POTEM: variants seen among roughly 807,000 people sequenced by gnomAD.
The protein encoded by POTEM is POTE ankyrin domain family member M.
For synonymous variants in POTEM, 8 were observed against 113.2 expected (o/e 0.07, Z 5.90); for missense variants, 24 against 343.0 (o/e 0.07, Z 7.35).
chr14:18,977,218 A>G (rs1356574005), intron 4 of POTEM: 3 of 479,588 alleles, frequency 6.3e-6, no homozygotes, highest in Non-Finnish European at 1.1e-5. Context: ...CCATCAAAGG[A>G]CTTTAAATTA....
In POTEM at chr14:18,991,217, G is replaced by T. The variant is rs1335786978; in HGVS notation, c.1409+2796G>T. Among the ~76,000 whole-genome samples, 85 of 117,810 alleles carry T rather than the reference G, an allele frequency of 7.2e-4. 1 individual carries two copies. The East Asian group carries it at 0.017, about 24-fold the overall frequency. The allele number at this position is 117,810 out of a possible 152,430, so 77.3% of individuals were successfully genotyped here. A position where few individuals can be genotyped will look rare whatever the true frequency, so the allele number is the denominator to read the frequency against. ...CTTTTTCTACTGTATATATGCTAGT[G>T]ATTTCCAAATGCATGTCTCCAACTC... is the stretch of plus-strand genomic sequence containing the variant. On this transcript the variant is annotated intron_variant, in intron 9 of 10. Coordinates refer to ENST00000547889, the MANE Select transcript of POTEM (RefSeq NM_001145442.1).
Position 19,003,105 on chromosome 14 carries a change from TGAA to T in POTEM, c.*4444_*4446del, listed in dbSNP as rs1566544640. 6.7e-6 allele frequency among the ~76,000 whole-genome samples: 1 copy of T among 150,202 alleles called. No homozygotes were observed. The highest frequency in any genetic ancestry group is 2.5e-5 in the African/African-American group (1 of 40,608). On this transcript the variant is annotated 3_prime_UTR_variant, in exon 11 of 11. Coordinates refer to ENST00000547889, the MANE Select transcript of POTEM (RefSeq NM_001145442.1). ...ATCACCAGCCACTACAAAAATGCAG[TGAA>T]GAACGCAGTGAATTACGCAGTCCAG... is the stretch of plus-strand genomic sequence containing the variant.
In POTEM at chr14:19,002,857, C is replaced by T. The variant is rs1368276447; in HGVS notation, c.*4192C>T. Among the ~76,000 whole-genome samples, 7 of 152,352 alleles carry T rather than the reference C, an allele frequency of 4.6e-5. No individual in the cohort carries two copies. Among genetic ancestry groups the T allele is most frequent in the African/African-American group, 1.4e-4 (6 of 41,542 alleles). ...ACACAGGTGGATTTTGCTTTACTTGCACTGACAGCACACAGGAGGGCAGCA... is the reference window on the plus strand; with the variant it reads ...ACACAGGTGGATTTTGCTTTACTTGTACTGACAGCACACAGGAGGGCAGCA... On this transcript the variant is annotated 3_prime_UTR_variant, in exon 11 of 11. Transcript: ENST00000547889.
At chr14:18,979,673 AT>A (rs1236756607) in intron 5 of POTEM, among the ~76,000 whole-genome samples, 2 of 140,208 alleles carry the variant, frequency 1.4e-5, no homozygotes, top group African/African-American at 5.5e-5. Context: ...ATCTCATTAA[AT>A]TTTTATCGGA....
intron 1 of POTEM, among the ~76,000 whole-genome samples, chr14:18,969,321 A>ATATATATACG (rs1566537723): frequency 9.7e-6 from 1 of 103,448 alleles, no homozygotes; most frequent in Non-Finnish European, 1.8e-5. Flanking sequence ...ATATATGTAT[A>ATATATATACG]TATATATATA....
At chr14:18,969,272 C>A (rs1191966773) in intron 1 of POTEM, among the ~76,000 whole-genome samples, 10 of 121,864 alleles carry the variant, frequency 8.2e-5, no homozygotes, top group African/African-American at 3.1e-4. Flanking sequence ...TTTACATATG[C>A]AGATATATAT....
At chr14:18,980,935 G>A in intron 6 of POTEM, among the ~76,000 whole-genome samples, 1 of 148,974 alleles carries the variant, frequency 6.7e-6, no homozygotes, top group African/African-American at 2.5e-5. Context: ...GTTAGAACAA[G>A]ATGCTCTGCT....
At chr14:18,996,554 C>T (rs1471290480) in intron 9 of POTEM, among the ~76,000 whole-genome samples, 29 of 122,466 alleles carry the variant, frequency 2.4e-4, no homozygotes, top group South Asian at 5.6e-4. Context: ...GGCATTAGAT[C>T]GTCCTAAGAG....
rs567646291 is a variant in POTEM, at chr14:18,991,145, A to T, written c.1409+2724A>T. Among the ~76,000 whole-genome samples the T allele has an allele frequency of 1.1e-3, 148 of 131,892 alleles. 4 individuals carry two copies. The highest frequency in any genetic ancestry group is 3.7e-3 in the African/African-American group (144 of 38,636). 86.5% of individuals were successfully genotyped at this position (131,892 alleles called of 152,430 possible). On this transcript the variant is annotated intron_variant, in intron 9 of 10. Coordinates refer to ENST00000547889, the MANE Select transcript of POTEM (RefSeq NM_001145442.1). ...GTGATCTGCCTGCCTTGGCCTCACG[A>T]AGTGTTGGGATTACAGGCATGAGCC...
chr14:18,983,517 GT>G, intron 6 of POTEM, among the ~76,000 whole-genome samples: 1 of 40,522 alleles, frequency 2.5e-5, no homozygotes, highest in Admixed American at 2.0e-4. Flanking sequence ...TATGCTCTGT[GT>G]TTTTCCCTCT....
At chr14:18,969,379 A>G (rs1443667695) in intron 1 of POTEM, among the ~76,000 whole-genome samples, 208 of 72,898 alleles carry the variant, frequency 2.9e-3, no homozygotes, top group African/African-American at 7.7e-3. Context: ...ATATATATAT[A>G]CACAAAATTT....
In POTEM at chr14:18,969,334, C is replaced by CATATATATACAT. The variant is rs1491234899; in HGVS notation, c.521+1328_521+1329insATATATATACAT. ...ATATATATGTATATATATATATATA[C>CATATATATACAT]GTATATACATATATATACATGTGTA... On this transcript the variant is annotated intron_variant, in intron 1 of 10. Coordinates refer to ENST00000547889, the MANE Select transcript of POTEM (RefSeq NM_001145442.1). 7.3e-4 allele frequency among the ~76,000 whole-genome samples: 73 copies of CATATATATACAT among 99,468 alleles called. 1 individual carries two copies. The highest frequency in any genetic ancestry group is 1.0e-3 in the Non-Finnish European group (52 of 49,928). The allele number at this position is 99,468 out of a possible 152,430, so 65.3% of individuals were successfully genotyped here. A position where few individuals can be genotyped will look rare whatever the true frequency, so the allele number is the denominator to read the frequency against.
rs548012164 is a variant in POTEM, at chr14:18,999,453, C to T, written c.*788C>T. Among the ~76,000 whole-genome samples the T allele has an allele frequency of 0.033, 3,274 of 100,528 alleles. 338 individuals are homozygous for T. Among genetic ancestry groups the T allele is most frequent in the African/African-American group, 0.098 (2,951 of 30,134 alleles). The allele number at this position is 100,528 out of a possible 152,430, so 66.0% of individuals were successfully genotyped here. ...CTACCTCATGAAGATCCTCACCGAG[C>T]GTGGCTATAGTTTCACCACCATGGC... On this transcript the variant is annotated 3_prime_UTR_variant, in exon 11 of 11. Transcript: ENST00000547889.
chr14:18,969,289 G>GTA (rs1239314457), intron 1 of POTEM, among the ~76,000 whole-genome samples: 34 of 94,818 alleles, frequency 3.6e-4, no homozygotes, highest in African/African-American at 1.5e-3. Context: ...ATATACACAT[G>GTA]TATATATATG....
rs548838952 is a variant in POTEM, at chr14:18,999,494, G to C, written c.*829G>C. Among the ~76,000 whole-genome samples, 2 of 107,428 alleles carry C rather than the reference G, an allele frequency of 1.9e-5. No homozygotes were observed. The highest frequency in any genetic ancestry group is 5.5e-4 in the South Asian group (2 of 3,622). The allele number at this position is 107,428 out of a possible 152,430, so 70.5% of individuals were successfully genotyped here. A position where few individuals can be genotyped will look rare whatever the true frequency, so the allele number is the denominator to read the frequency against. On this transcript the variant is annotated 3_prime_UTR_variant, in exon 11 of 11. Transcript: ENST00000547889. Reference sequence around the variant, plus strand: ...CCACCATGGCCGAGCAGGAAATCGTGCGTGACATCACAGAGAAGCTGTGCT... The same window carrying C: ...CCACCATGGCCGAGCAGGAAATCGTCCGTGACATCACAGAGAAGCTGTGCT...
intron 7 of POTEM, among the ~76,000 whole-genome samples, chr14:18,985,878 T>A (rs1891169996): frequency 1.5e-5 from 2 of 137,480 alleles, no homozygotes; most frequent in African/African-American, 3.0e-5. Context: ...CGCTCCAGCC[T>A]GGGTGACAGA....
At chr14:18,990,916 C>T (rs1379701586) in intron 9 of POTEM, among the ~76,000 whole-genome samples, 1 of 51,692 alleles carries the variant, frequency 1.9e-5, no homozygotes, top group Middle Eastern at 8.8e-3. Context: ...TGAAGTCTGG[C>T]TTTGTCCCCT....
At chr14:18,969,183 A>G (rs1354157568) in intron 1 of POTEM, among the ~76,000 whole-genome samples, 228 of 135,112 alleles carry the variant, frequency 1.7e-3, no homozygotes, top group African/African-American at 6.5e-3. Flanking sequence ...AGATGTTTAT[A>G]TCACAAAAAT....
intron 1 of POTEM, among the ~76,000 whole-genome samples, chr14:18,969,334 C>CATATATATACATGTGTATATATATATAT (rs1491234899): frequency 1.0e-5 from 1 of 99,488 alleles, no homozygotes; most frequent in Non-Finnish European, 2.0e-5. Context: ...TATATATATA[C>CATATATATACATGTGTATATATATATAT]GTATATACAT....
Sources: gnomAD v4.1 joint callset for allele counts (sites outside exome capture counted in the v4.1 genomes callset) on GRCh38, gnomAD v4.1.1 for gene constraint, MANE v1.5 for transcripts, NCBI Gene and HGNC (gene_info 2026-07-23, HGNC 2026-07-21) for gene names.